The following SMG7 variants were observed in gnomAD, a reference collection of about 807,000 sequenced individuals.
SMG7 encodes nonsense-mediated mRNA decay factor SMG7.
Under a neutral mutation model 148.2 loss-of-function variants are expected in SMG7, and 34 were observed. The ratio of observed to expected loss-of-function variants is 0.23; its 90% CI spans 0.17 to 0.31. The LOEUF (loss-of-function observed/expected upper bound fraction) is 0.31, where lower values mean the gene tolerates loss of function less well. Among genes scored for constraint, SMG7 ranks in the 10% least tolerant of loss-of-function variants. The pLI, the probability that SMG7 is intolerant of heterozygous loss-of-function variation, is 1.00. For missense variants in SMG7, 1,114 were observed against 1,408.4 expected (o/e 0.79, Z 3.35); for synonymous variants, 492 against 515.1 (o/e 0.96, Z 0.61).
chr1:183,552,167 G>A lies in SMG7; in HGVS notation c.*236G>A. On this transcript the variant is annotated 3_prime_UTR_variant, in exon 23 of 23. Coordinates refer to ENST00000688051, the MANE Select transcript of SMG7 (RefSeq NM_001375584.1). ...GGGGCCCTCCGGAGGGAGAGAGAGA[G>A]GAACTGCTGTTTATCTCACTCAGTT... The A allele has an allele frequency of 8.5e-7, 1 of 1,176,960 alleles. No homozygotes were observed. Among genetic ancestry groups the A allele is most frequent in the Non-Finnish European group, 1.1e-6 (1 of 947,308 alleles). 72.9% of individuals were successfully genotyped at this position (1,176,960 alleles called of 1,614,324 possible).
chr1:183,494,074 A>G (rs1228976391), intron 1 of SMG7, among the ~76,000 whole-genome samples: 1 of 151,908 alleles, frequency 6.6e-6, no homozygotes, highest in Non-Finnish European at 1.5e-5. Context: ...TGCAGTCTCA[A>G]TCACCTGGGC....
chr1:183,526,501 C>T, intron 4 of SMG7, 95 bp from the exon 5 acceptor site: 1 of 730,258 alleles, frequency 1.4e-6, no homozygotes, highest in Middle Eastern at 3.9e-4. Context: ...CAGATTTCAG[C>T]AGTATGTGGT....
chr1:183,512,990 A>T, intron 2 of SMG7, 122 bp downstream of exon 2: 1 of 801,480 alleles, frequency 1.2e-6, no homozygotes, highest in Non-Finnish European at 1.9e-6. Flanking sequence ...AGGGATGATC[A>T]TTTACTATCT....
chr1:183,541,764 A>G (rs1320294470), intron 13 of SMG7, among the ~76,000 whole-genome samples: 1 of 152,212 alleles, frequency 6.6e-6, no homozygotes, highest in Non-Finnish European at 1.5e-5. Flanking sequence ...AATAGGAATT[A>G]TATATAGCTA....
chr1:183,536,098 C>G (rs1433524394), intron 10 of SMG7, among the ~76,000 whole-genome samples: 13 of 152,038 alleles, frequency 8.6e-5, no homozygotes, highest in Admixed American at 8.5e-4. Flanking sequence ...CTGGGCACTT[C>G]ACCTCATGCT....
chr1:183,480,942 C>T (rs189827201), intron 1 of SMG7, among the ~76,000 whole-genome samples: 2 of 152,276 alleles, frequency 1.3e-5, no homozygotes, highest in Admixed American at 6.5e-5. Flanking sequence ...TAAAACGGAA[C>T]ATTGATCTCC....
rs973598327 is a variant in SMG7, at chr1:183,509,967, A to G, written c.30-2870A>G. The stretch of plus-strand genomic sequence containing the variant: ...GAAAAGCAGATTGTTTGTAAATTAC[A>G]TTACTATTATATACCCCATATAATC... On this transcript the variant is annotated intron_variant, in intron 1 of 22. Transcript: ENST00000688051. Among the ~76,000 whole-genome samples, 4 of 152,312 alleles carry G rather than the reference A, an allele frequency of 2.6e-5. No individual in the cohort carries two copies. In the East Asian group the frequency reaches 7.7e-4, roughly 29 times the overall value.
intron 22 of SMG7, among the ~76,000 whole-genome samples, chr1:183,551,416 A>C (rs940194098): frequency 5.3e-5 from 8 of 152,232 alleles, no homozygotes; most frequent in African/African-American, 1.9e-4. Context: ...GGACAAAAAC[A>C]AAGGTTTTAG....
intron 17 of SMG7, among the ~76,000 whole-genome samples, chr1:183,546,740 C>G (rs368183256): frequency 1.3e-5 from 2 of 152,210 alleles, no homozygotes; most frequent in African/African-American, 4.8e-5. Flanking sequence ...AGGTCCCTTT[C>G]TTTGCCCTTT....
In SMG7 at chr1:183,528,896, G is replaced by A. The variant is rs1273874548; in HGVS notation, c.561G>A (p.Gln187=). 2 of 1,612,146 alleles carry A rather than the reference G, an allele frequency of 1.2e-6. No homozygotes were observed. The highest frequency in any genetic ancestry group is 1.7e-6 in the Non-Finnish European group (2 of 1,179,020). Reference sequence around the variant, plus strand: ...AATCTTAACTTTCTCCTGTAGGTCAGCCTTATAATCAGTTGGCTATCTTAG... The same window carrying A: ...AATCTTAACTTTCTCCTGTAGGTCAACCTTATAATCAGTTGGCTATCTTAG... ...HAAQLVPSNG[Q]PYNQLAILAS... Residue 187 remains glutamine (Q), a synonymous_variant, in exon 7 of 23, where the codon CAG becomes CAA. Coordinates refer to ENST00000688051, the MANE Select transcript of SMG7 (RefSeq NM_001375584.1).
At position 183,472,510 on chromosome 1, in the gene SMG7, G is replaced by A. The variant is rs1650888945; in HGVS notation, c.-111G>A. On this transcript the variant is annotated 5_prime_UTR_variant, in exon 1 of 23. Coordinates refer to ENST00000688051, the MANE Select transcript of SMG7 (RefSeq NM_001375584.1). ...CCCTGCCGAGCGAGGAGGAGCCGGA[G>A]GAGAGGAAGATGGCGGCGGCCGCCA... is the stretch of plus-strand genomic sequence containing the variant. 3.9e-6 allele frequency: 4 copies of A among 1,035,000 alleles called. No individual in the cohort carries two copies. The highest frequency in any genetic ancestry group is 5.2e-6 in the Non-Finnish European group (4 of 766,210). 64.1% of individuals were successfully genotyped at this position (1,035,000 alleles called of 1,614,324 possible). A position where few individuals can be genotyped will look rare whatever the true frequency, so the allele number is the denominator to read the frequency against.
chr1:183,511,634 C>T (rs1041914554), intron 1 of SMG7, among the ~76,000 whole-genome samples: 3 of 152,050 alleles, frequency 2.0e-5, no homozygotes, highest in South Asian at 4.2e-4. Flanking sequence ...TGTTCTTTAC[C>T]CTCAGAGTAG....
Position 183,522,781 on chromosome 1 carries a change from G to GT in SMG7, c.313-3803dup, listed in dbSNP as rs936392957. ...TGTGAAGATAGTTTTTTAGTTTTTT[G>GT]TTTTTTTTTTTTAAAGACAGGCGCT... On this transcript the variant is annotated intron_variant, in intron 4 of 22. Transcript: ENST00000688051. Among the ~76,000 whole-genome samples, 588 of 141,766 alleles carry GT rather than the reference G, an allele frequency of 4.1e-3. 1 individual carries two copies. The highest frequency in any genetic ancestry group is 4.6e-3 in the African/African-American group (178 of 38,932). The allele number at this position is 141,766 out of a possible 152,430, so 93.0% of individuals were successfully genotyped here. A position where few individuals can be genotyped will look rare whatever the true frequency, so the allele number is the denominator to read the frequency against.
chr1:183,547,875 C>T (rs1218252780), intron 18 of SMG7, among the ~76,000 whole-genome samples: 1 of 152,100 alleles, frequency 6.6e-6, no homozygotes, highest in African/African-American at 2.4e-5. Context: ...TCTGAGAACT[C>T]AGCCTGCATT....
chr1:183,501,595 A>G (rs1187769729), intron 1 of SMG7, among the ~76,000 whole-genome samples: 1 of 152,148 alleles, frequency 6.6e-6, no homozygotes, highest in East Asian at 1.9e-4. Flanking sequence ...CTGACATACC[A>G]CTGGGGTGCA....
In SMG7 at chr1:183,510,151, G is replaced by A. The variant is rs139196873; in HGVS notation, c.30-2686G>A. Among the ~76,000 whole-genome samples the A allele has an allele frequency of 4.6e-5, 7 of 152,122 alleles. No individual in the cohort carries two copies. In the East Asian group the frequency reaches 1.4e-3, roughly 29 times the overall value. ...GAGTATAAATTTTTAGCTAACATAG[G>A]GAAGCATAGTAAAGTATATCCTTTG... On this transcript the variant is annotated intron_variant, in intron 1 of 22. Coordinates refer to ENST00000688051, the MANE Select transcript of SMG7 (RefSeq NM_001375584.1).
intron 14 of SMG7, 43 bp downstream of exon 14, chr1:183,542,545 C>T (rs945705600): frequency 6.6e-7 from 1 of 1,511,634 alleles, no homozygotes; most frequent in African/African-American, 1.4e-5. Context: ...GGAAGGCTCA[C>T]ACAAAAGGCA....
At position 183,526,723 on chromosome 1, in the gene SMG7, G is replaced by A. The variant is rs1311410476; in HGVS notation, c.440G>A (p.Cys147Tyr). 1 of 1,613,502 alleles carries A rather than the reference G, an allele frequency of 6.2e-7. No individual in the cohort carries two copies. Among genetic ancestry groups the A allele is most frequent in the African/African-American group, 1.3e-5 (1 of 74,920 alleles). Residue 147 changes from cysteine (C) to tyrosine (Y), a missense_variant, in exon 5 of 23, where the codon TGT becomes TAT. Around this residue, in one of 4 missense-constraint regions of SMG7, gnomAD observed 216 missense variants for 329.1 expected, o/e 0.66. Coordinates refer to ENST00000688051, the MANE Select transcript of SMG7 (RefSeq NM_001375584.1). ...SAIVKPQSSS[C>Y]SYICQHCLVH... ...ATAGTGAAGCCACAGTCTAGCTCCTGTTCCTATATCTGCCAGCACTGCCTC... is the reference window on the plus strand; with the variant it reads ...ATAGTGAAGCCACAGTCTAGCTCCTATTCCTATATCTGCCAGCACTGCCTC...
At position 183,549,754 on chromosome 1, in the gene SMG7, T is replaced by G; in HGVS notation, c.2974-10T>G. 6.2e-7 allele frequency: 1 copy of G among 1,611,768 alleles called. No homozygotes were observed. The highest frequency in any genetic ancestry group is 8.5e-7 in the Non-Finnish European group (1 of 1,177,964). On this transcript the variant is annotated splice_polypyrimidine_tract_variant and intron_variant, in intron 19 of 22. Coordinates refer to ENST00000688051, the MANE Select transcript of SMG7 (RefSeq NM_001375584.1). ...GGGTGAGTTTATAACTTCACTGTCA[T>G]GTCTTTCAGGAAAGATACCCAAATA...
Sources: gnomAD v4.1 joint callset for allele counts (sites outside exome capture counted in the v4.1 genomes callset) on GRCh38, gnomAD v4.1.1 for gene constraint, gnomAD v4.1.1 regional missense constraint, MANE v1.5 for transcripts, NCBI Gene and HGNC (gene_info 2026-07-23, HGNC 2026-07-21) for gene names.